Variants in KCNN3 observed in about 807,000 individuals in gnomAD.
KCNN3 encodes potassium calcium-activated channel subfamily N member 3.
Under a neutral mutation model 62.9 loss-of-function variants are expected in KCNN3, and 16 were observed. That is an observed-to-expected ratio of 0.25 (90% CI 0.17 to 0.39). The LOEUF is 0.39. Ranked by LOEUF, KCNN3 falls within the 10% of genes least tolerant of loss-of-function variation. The pLI, the probability that KCNN3 is intolerant of heterozygous loss-of-function variation, is 1.00. For missense variants in KCNN3, 599 were observed against 949.4 expected (o/e 0.63, Z 4.85); for synonymous variants, 370 against 389.2 (o/e 0.95, Z 0.58).
At chr1:154,867,985 C>T (rs1269068009) in intron 1 of KCNN3, 2 of 985,216 alleles carry the variant, frequency 2.0e-6, no homozygotes, top group Non-Finnish European at 2.4e-6. Flanking sequence ...AGGGAAACCC[C>T]CTCCTCCGTC....
At chr1:154,751,310 C>G (rs924625897) in intron 3 of KCNN3, among the ~76,000 whole-genome samples, 1 of 152,194 alleles carries the variant, frequency 6.6e-6, no homozygotes, top group Admixed American at 6.5e-5. Flanking sequence ...ATTCTGTCCC[C>G]CTTCTCTCTC....
At chr1:154,738,042 G>T (rs937611473) in intron 3 of KCNN3, among the ~76,000 whole-genome samples, 16 of 152,098 alleles carry the variant, frequency 1.1e-4, no homozygotes, top group African/African-American at 3.9e-4. Context: ...AAGAAGGAGA[G>T]AAGTAATTAT....
At chr1:154,739,279 T>C (rs915724812) in intron 3 of KCNN3, among the ~76,000 whole-genome samples, 1 of 152,142 alleles carries the variant, frequency 6.6e-6, no homozygotes, top group African/African-American at 2.4e-5. Context: ...CAAAACTACA[T>C]GCAACATTAA....
intron 2 of KCNN3, among the ~76,000 whole-genome samples, chr1:154,781,960 GA>G (rs1370036294): frequency 6.6e-6 from 1 of 152,214 alleles, no homozygotes; most frequent in African/African-American, 2.4e-5. Flanking sequence ...AGACAGCCAG[GA>G]CAGGGAGGGC....
intron 4 of KCNN3, among the ~76,000 whole-genome samples, chr1:154,729,534 G>A (rs1700546582): frequency 6.6e-6 from 1 of 152,030 alleles, no homozygotes; most frequent in Non-Finnish European, 1.5e-5. Context: ...TTTTCCAGCT[G>A]GAAAACCTTA....
chr1:154,781,332 T>A (rs1649039441), intron 2 of KCNN3, among the ~76,000 whole-genome samples: 1 of 152,248 alleles, frequency 6.6e-6, no homozygotes, highest in Non-Finnish European at 1.5e-5. Context: ...TCTGGCCATC[T>A]GTGTGTGGCA....
At chr1:154,732,003 C>T (rs992283089) in intron 4 of KCNN3, among the ~76,000 whole-genome samples, 1 of 152,234 alleles carries the variant, frequency 6.6e-6, no homozygotes, top group African/African-American at 2.4e-5. Flanking sequence ...CCAGGGAACA[C>T]TTCACCAATT....
intron 2 of KCNN3, among the ~76,000 whole-genome samples, chr1:154,790,476 A>C (rs1649466765): frequency 6.6e-6 from 1 of 152,222 alleles, no homozygotes; most frequent in South Asian, 2.1e-4. Context: ...ATCATCTATC[A>C]CAAAGCCTAT....
At chr1:154,782,515 A>G (rs1379205977) in intron 2 of KCNN3, among the ~76,000 whole-genome samples, 1 of 152,198 alleles carries the variant, frequency 6.6e-6, no homozygotes, top group East Asian at 1.9e-4. Flanking sequence ...GCAGTCCTAT[A>G]GGACTAGACC....
At position 154,786,908 on chromosome 1, in the gene KCNN3, T is replaced by C. The variant is rs111242743; in HGVS notation, c.1030-14515A>G. Among the ~76,000 whole-genome samples the C allele has an allele frequency of 1.6e-3, 248 of 152,356 alleles. 2 individuals are homozygous for C. Among genetic ancestry groups the C allele is most frequent in the African/African-American group, 5.7e-3 (238 of 41,576 alleles). On this transcript the variant is annotated intron_variant, in intron 2 of 7. Coordinates refer to ENST00000271915, the MANE Select transcript of KCNN3 (RefSeq NM_002249.6). ...ATGGTGATGTTTTAAGCATGGCCAT[T>C]CTTGGAGGAAAAATAATTGCCCAGG...
At chr1:154,794,004 C>T (rs1649625005) in intron 2 of KCNN3, among the ~76,000 whole-genome samples, 1 of 152,232 alleles carries the variant, frequency 6.6e-6, no homozygotes, top group Non-Finnish European at 1.5e-5. Flanking sequence ...AGAGGTTCTG[C>T]CTGGTGGTTT....
At chr1:154,798,093 G>A (rs768674044) in intron 2 of KCNN3, among the ~76,000 whole-genome samples, 1 of 152,226 alleles carries the variant, frequency 6.6e-6, no homozygotes, top group Admixed American at 6.5e-5. Context: ...AGAGGCCAGG[G>A]TACAATTCCT....
intron 3 of KCNN3, among the ~76,000 whole-genome samples, chr1:154,750,905 C>T (rs149276464): frequency 8.5e-5 from 13 of 152,316 alleles, no homozygotes; most frequent in African/African-American, 2.9e-4. Context: ...GCCCTGGACA[C>T]GTGGCTGAAG....
chr1:154,726,076 A>G, intron 4 of KCNN3, 50 bp from the exon 5 acceptor site: 1 of 1,401,316 alleles, frequency 7.1e-7, no homozygotes, highest in Non-Finnish European at 1.0e-6. Context: ...TATCATTAAG[A>G]GGCAAGATGA....
chr1:154,864,926 C>G (rs185803646), intron 1 of KCNN3, among the ~76,000 whole-genome samples: 1 of 152,188 alleles, frequency 6.6e-6, no homozygotes, highest in East Asian at 1.9e-4. Context: ...AGCCATGCTG[C>G]CACACCAGCA....
intron 2 of KCNN3, among the ~76,000 whole-genome samples, chr1:154,802,499 G>A (rs1650000295): frequency 2.6e-5 from 4 of 152,170 alleles, no homozygotes; most frequent in Admixed American, 2.0e-4. Flanking sequence ...ATGGAGCCCA[G>A]CCCTGCTGTA....
chr1:154,754,651 G>A (rs1647546026), intron 3 of KCNN3, among the ~76,000 whole-genome samples: 1 of 152,206 alleles, frequency 6.6e-6, no homozygotes, highest in South Asian at 2.1e-4. Flanking sequence ...CAGCTTTCTT[G>A]AAGTATGAGG....
intron 5 of KCNN3, among the ~76,000 whole-genome samples, chr1:154,721,437 T>C (rs1004092934): frequency 1.3e-4 from 20 of 151,922 alleles, no homozygotes; most frequent in African/African-American, 4.6e-4. Flanking sequence ...GAAGCTGGGA[T>C]TACAGGCACC....
At chr1:154,713,344 T>G (rs1700117719) in intron 7 of KCNN3, 120 bp downstream of exon 7, 1 of 767,574 alleles carries the variant, frequency 1.3e-6, no homozygotes, top group Non-Finnish European at 2.3e-6. Context: ...AAGCAGAAAT[T>G]TTTCTTTGCT....
Sources: allele counts gnomAD v4.1 joint callset (sites outside exome capture counted in the v4.1 genomes callset), GRCh38; gene constraint gnomAD v4.1.1; transcripts MANE v1.5; gene names NCBI Gene and HGNC (gene_info 2026-07-23, HGNC 2026-07-21).